The following ICE1 variants were observed in gnomAD, a reference collection of about 807,000 sequenced individuals.
ICE1 encodes little elongation complex subunit 1.
A neutral mutation model predicts 192.7 loss-of-function variants in ICE1; 64 were observed. That is an observed-to-expected ratio of 0.33 (90% CI 0.27 to 0.41). ICE1 has a LOEUF of 0.41. Ranked by LOEUF, ICE1 falls within the 10% of genes least tolerant of loss-of-function variation. The pLI is 1.00. For synonymous variants in ICE1, 1,010 were observed against 984.5 expected (o/e 1.03, Z -0.49); for missense variants, 2,708 against 2,696.0 (o/e 1.00, Z -0.10).
intron 1 of ICE1, among the ~76,000 whole-genome samples, chr5:5,429,579 G>A (rs753603997): frequency 7.9e-5 from 12 of 152,326 alleles, no homozygotes; most frequent in South Asian, 6.2e-4. Flanking sequence ...CATATTTACT[G>A]ATTTGTTTGA....
intron 10 of ICE1, among the ~76,000 whole-genome samples, chr5:5,448,428 G>A (rs765586564): frequency 6.6e-6 from 1 of 152,208 alleles, no homozygotes; most frequent in Non-Finnish European, 1.5e-5. Context: ...TGAGCGCCAC[G>A]TCTCATAGGT....
At chr5:5,483,222 C>G (rs1241890099) in intron 17 of ICE1, among the ~76,000 whole-genome samples, 1 of 152,082 alleles carries the variant, frequency 6.6e-6, no homozygotes, top group Non-Finnish European at 1.5e-5. Context: ...TCTCAAACTC[C>G]CGGCCTCAGG....
At chr5:5,433,945 A>G (rs1195959320) in intron 1 of ICE1, among the ~76,000 whole-genome samples, 1 of 152,184 alleles carries the variant, frequency 6.6e-6, no homozygotes, top group Admixed American at 6.5e-5. Context: ...ATGAAAAAAA[A>G]AAACCTAAGT....
chr5:5,465,294 T>C lies in ICE1; in HGVS notation c.5892+68T>C, dbSNP rs1738951448. ...CCTCAAAGACAGATGCTGTTTACTG[T>C]CAGCAAAATGTGTAGATGACCATGA... On this transcript the variant is annotated intron_variant, in intron 13 of 18. Coordinates refer to ENST00000296564, the MANE Select transcript of ICE1 (RefSeq NM_015325.3). 14 of 1,139,752 alleles carry C rather than the reference T, an allele frequency of 1.2e-5. No homozygotes were observed. In the South Asian group the frequency reaches 2.0e-4, roughly 16 times the overall value. 70.6% of individuals were successfully genotyped at this position (1,139,752 alleles called of 1,614,324 possible).
chr5:5,463,411 G>A lies in ICE1; in HGVS notation c.4077G>A (p.Gly1359=). 1 of 1,613,672 alleles carries A rather than the reference G, an allele frequency of 6.2e-7. No individual in the cohort carries two copies. Among genetic ancestry groups the A allele is most frequent in the Non-Finnish European group, 8.5e-7 (1 of 1,179,760 alleles). ...ATGCAGGCAGGCAAACCGATGGTGGGGAAGAAGACCTGCCAGAACCTGTGG... is the reference window on the plus strand; with the variant it reads ...ATGCAGGCAGGCAAACCGATGGTGGAGAAGAAGACCTGCCAGAACCTGTGG... ...RSDAGRQTDG[G]EEDLPEPVEP... Residue 1359 remains glycine, a synonymous_variant, in exon 13 of 19, where the codon GGG becomes GGA. Coordinates refer to ENST00000296564, the MANE Select transcript of ICE1 (RefSeq NM_015325.3).
At chr5:5,477,737 A>C (rs1315774851) in intron 17 of ICE1, among the ~76,000 whole-genome samples, 2 of 152,192 alleles carry the variant, frequency 1.3e-5, no homozygotes. Flanking sequence ...ATCCTCAATA[A>C]AATACCGGCA....
At chr5:5,433,810 G>C (rs780526793) in intron 1 of ICE1, among the ~76,000 whole-genome samples, 9 of 152,060 alleles carry the variant, frequency 5.9e-5, no homozygotes, top group Non-Finnish European at 5.9e-5. Flanking sequence ...TCTGTACCTA[G>C]CAAAGTCTTA....
At chr5:5,452,909 G>C (rs970470478) in intron 10 of ICE1, among the ~76,000 whole-genome samples, 1 of 152,138 alleles carries the variant, frequency 6.6e-6, no homozygotes, top group African/African-American at 2.4e-5. Context: ...GGAAAGTTGT[G>C]CAATTCACTT....
At chr5:5,453,124 T>G (rs1018807504) in intron 10 of ICE1, among the ~76,000 whole-genome samples, 1 of 152,100 alleles carries the variant, frequency 6.6e-6, no homozygotes, top group Non-Finnish European at 1.5e-5. Flanking sequence ...AGGTTCCTTG[T>G]TTGCTGCTTT....
Position 5,436,398 on chromosome 5 carries a change from T to C in ICE1, c.85-20T>C. 3 of 1,431,008 alleles carry C rather than the reference T, an allele frequency of 2.1e-6. No individual in the cohort carries two copies. Among genetic ancestry groups the C allele is most frequent in the Non-Finnish European group, 2.8e-6 (3 of 1,077,594 alleles). 88.6% of individuals were successfully genotyped at this position (1,431,008 alleles called of 1,614,324 possible). A position where few individuals can be genotyped will look rare whatever the true frequency, so the allele number is the denominator to read the frequency against. On this transcript the variant is annotated intron_variant, in intron 1 of 18. Transcript: ENST00000296564. The stretch of plus-strand genomic sequence containing the variant: ...TAAAGTAATTGATAAAAAAGCTGAC[T>C]GTGGCTTTTTTTCTTTCAGAATTTG...
intron 1 of ICE1, among the ~76,000 whole-genome samples, chr5:5,430,965 G>A (rs1365349771): frequency 6.6e-6 from 1 of 152,214 alleles, no homozygotes; most frequent in African/African-American, 2.4e-5. Flanking sequence ...AATCCTGATA[G>A]TATGCCAGTT....
intron 1 of ICE1, among the ~76,000 whole-genome samples, chr5:5,431,376 G>A (rs1453110248): frequency 1.3e-5 from 2 of 151,872 alleles, no homozygotes; most frequent in African/African-American, 4.8e-5. Context: ...TTCTCCCTTC[G>A]AGCTTTGGGG....
chr5:5,427,171 C>T (rs1173031356), intron 1 of ICE1, among the ~76,000 whole-genome samples: 1 of 152,196 alleles, frequency 6.6e-6, no homozygotes, highest in East Asian at 1.9e-4. Context: ...AGATTGACTA[C>T]ATTTTCTGTG....
chr5:5,443,332 G>C, intron 6 of ICE1, 88 bp downstream of exon 6: 1 of 700,410 alleles, frequency 1.4e-6, no homozygotes, highest in South Asian at 2.2e-5. Context: ...TTTTTTTACA[G>C]TCTTTGGATT....
At chr5:5,437,156 CTT>C (rs1277732444) in intron 3 of ICE1, 42 bp downstream of exon 3, 2 of 1,423,008 alleles carry the variant, frequency 1.4e-6, no homozygotes, top group Non-Finnish European at 1.9e-6. Context: ...TTGGAACTAA[CTT>C]ATGTTTAATT....
At position 5,463,346 on chromosome 5, in the gene ICE1, C is replaced by T; in HGVS notation, c.4012C>T (p.Gln1338Ter). The change falls in exon 13 of 19, where the codon CAG becomes TAG. Residue 1338 changes from glutamine (Q) to a stop codon, truncating the protein, a stop_gained. Transcript: ENST00000296564. LOFTEE classifies it high-confidence loss of function. The part of the protein sequence containing the change: ...EGSSPISGMP[Q>*]NENPQSRPEA... ...CAGCTCTCCCATCAGCGGTATGCCT[C>T]AGAATGAAAACCCTCAGAGCAGACC... The T allele has an allele frequency of 1.2e-6, 2 of 1,613,758 alleles. No homozygotes were observed. The highest frequency in any genetic ancestry group is 1.7e-6 in the Non-Finnish European group (2 of 1,179,808).
At position 5,431,695 on chromosome 5, in the gene ICE1, G is replaced by T. The variant is rs542474996; in HGVS notation, c.85-4723G>T. Among the ~76,000 whole-genome samples the T allele has an allele frequency of 4.8e-3, 724 of 152,154 alleles. 6 individuals carry two copies. Among genetic ancestry groups the T allele is most frequent in the Non-Finnish European group, 5.4e-3 (369 of 68,008 alleles). ...CTTTTATTTTGCTCTTGGGATTCTG[G>T]TAGGGTCTTTGCTTTGTCTCCAGTG... On this transcript the variant is annotated intron_variant, in intron 1 of 18. Coordinates refer to ENST00000296564, the MANE Select transcript of ICE1 (RefSeq NM_015325.3).
chr5:5,465,101 G>A lies in ICE1; in HGVS notation c.5767G>A (p.Ala1923Thr), dbSNP rs371841424. 6.4e-5 allele frequency: 103 copies of A among 1,613,246 alleles called. No individual in the cohort carries two copies. The highest frequency in any genetic ancestry group is 8.3e-5 in the Non-Finnish European group (98 of 1,179,600). Reference sequence around the variant, plus strand: ...CATAGCTAATGCCCTGAAGAAAATTGCAGAGTTTTCTTTTGATCTGTTACC... The same window carrying A: ...CATAGCTAATGCCCTGAAGAAAATTACAGAGTTTTCTTTTGATCTGTTACC... ...KAIANALKKI[A>T]EFSFDLLPVI... The change falls in exon 13 of 19, where the codon GCA (alanine) becomes ACA (threonine). Residue 1923 changes from alanine (A) to threonine (T), a missense_variant. Coordinates refer to ENST00000296564, the MANE Select transcript of ICE1 (RefSeq NM_015325.3).
intron 12 of ICE1, among the ~76,000 whole-genome samples, 161 bp from the exon 13 acceptor site, chr5:5,460,275 G>T (rs896617485): frequency 2.6e-5 from 4 of 152,208 alleles, no homozygotes; most frequent in African/African-American, 9.6e-5. Flanking sequence ...CAAAGCTGGA[G>T]AACTCCCCAC....
Sources: gnomAD v4.1 joint callset for allele counts (sites outside exome capture counted in the v4.1 genomes callset) on GRCh38, gnomAD v4.1.1 for gene constraint, MANE v1.5 for transcripts, NCBI Gene and HGNC (gene_info 2026-07-23, HGNC 2026-07-21) for gene names.